The following PLAAT3 variants were observed in gnomAD, a reference collection of about 807,000 sequenced individuals.
PLAAT3 encodes the protein phospholipase A and acyltransferase 3.
Under a neutral mutation model 16.7 loss-of-function variants are expected in PLAAT3, and 21 were observed. The observed-to-expected ratio is 1.26, with a 90% CI of 0.89 to 1.81. The LOEUF (loss-of-function observed/expected upper bound fraction) is 1.81, where lower values mean the gene tolerates loss of function less well. PLAAT3 is among the 40% of genes most tolerant of loss of function. PLAAT3 has a pLI of 0.00. For synonymous variants in PLAAT3, 76 were observed against 81.7 expected (o/e 0.93, Z 0.38); for missense variants, 219 against 213.7 (o/e 1.02, Z -0.16).
chr11:63,588,799 C>G (rs938123078), intron 4 of PLAAT3, among the ~76,000 whole-genome samples: 1 of 152,028 alleles, frequency 6.6e-6, no homozygotes, highest in African/African-American at 2.4e-5. Context: ...TAATATCCCA[C>G]TGTAGACAGG....
At chr11:63,601,980 C>CAAAAAAA (rs71468636) in intron 2 of PLAAT3, among the ~76,000 whole-genome samples, 1 of 99,408 alleles carries the variant, frequency 1.0e-5, no homozygotes, top group Non-Finnish European at 1.9e-5. Flanking sequence ...AACTCTGTCT[C>CAAAAAAA]AAAAAAAAAA....
intron 4 of PLAAT3, among the ~76,000 whole-genome samples, chr11:63,589,367 A>G (rs1938073321): frequency 6.6e-6 from 1 of 151,366 alleles, no homozygotes; most frequent in African/African-American, 2.4e-5. Context: ...CTTTTGCATC[A>G]ACAGCCATGT....
intron 3 of PLAAT3, among the ~76,000 whole-genome samples, chr11:63,591,862 G>A (rs569635044): frequency 6.6e-6 from 1 of 152,328 alleles, no homozygotes; most frequent in African/African-American, 2.4e-5. Flanking sequence ...ACAGCGCAGG[G>A]ACTCGGAAGA....
intron 3 of PLAAT3, among the ~76,000 whole-genome samples, chr11:63,596,237 CAAAAAAAAAA>C (rs56081443): frequency 4.9e-5 from 2 of 40,722 alleles, no homozygotes; most frequent in South Asian, 1.4e-3. Flanking sequence ...GAGACTCTGT[CAAAAAAAAAA>C]AAAAAAAAAA....
intron 3 of PLAAT3, among the ~76,000 whole-genome samples, chr11:63,590,891 C>T (rs569026778): frequency 2.2e-4 from 34 of 152,236 alleles, no homozygotes; most frequent in Non-Finnish European, 4.6e-4. Flanking sequence ...TGGGCACAGC[C>T]CAGGCCAAGG....
chr11:63,581,687 C>T (rs1937819892), intron 4 of PLAAT3, among the ~76,000 whole-genome samples: 2 of 152,192 alleles, frequency 1.3e-5, no homozygotes, highest in African/African-American at 4.8e-5. Context: ...TACGCCCTCT[C>T]CCCTTTTAAA....
chr11:63,598,772 G>A (rs1938354582), intron 2 of PLAAT3: 1 of 510,554 alleles, frequency 2.0e-6, no homozygotes, highest in Non-Finnish European at 3.9e-6. Flanking sequence ...ACCTGGCCTG[G>A]GCCTAATGGA....
chr11:63,615,900 C>T (rs1938861881), upstream of PLAAT3, among the ~76,000 whole-genome samples: 1 of 151,414 alleles, frequency 6.6e-6, no homozygotes. Flanking sequence ...ACTCCTGGCC[C>T]CAAATGACCC....
At position 63,614,047 on chromosome 11, in the gene PLAAT3, C is replaced by T. The variant is rs934186572; in HGVS notation, c.-33G>A. ...CGCGGTGTGGACCCTCAAGGCCAGG[C>T]TCGATTTCGCTGCGTAGATGTCTGA... On this transcript the variant is annotated 5_prime_UTR_variant, in exon 2 of 5. Coordinates refer to ENST00000415826, the MANE Select transcript of PLAAT3 (RefSeq NM_001128203.2). 6.2e-7 allele frequency: 1 copy of T among 1,613,698 alleles called. No homozygotes were observed. The highest frequency in any genetic ancestry group is 1.7e-5 in the Admixed American group (1 of 59,992).
intron 3 of PLAAT3, among the ~76,000 whole-genome samples, chr11:63,591,225 T>C (rs919271174): frequency 2.2e-4 from 34 of 151,922 alleles, no homozygotes; most frequent in African/African-American, 8.2e-4. Flanking sequence ...CTACAAAAAA[T>C]ACAAAAACTA....
chr11:63,578,852 G>A (rs10897436), intron 4 of PLAAT3, among the ~76,000 whole-genome samples: 58,927 of 148,538 alleles, frequency 0.4, 11,678 homozygotes, highest in Admixed American at 0.49. Flanking sequence ...CAATGGCAAC[G>A]AAAGCCAAAA....
chr11:63,615,392 ATATATGTGTG>A (rs765725513), upstream of PLAAT3, among the ~76,000 whole-genome samples: 375 of 38,914 alleles, frequency 9.6e-3, 2 homozygotes, highest in Middle Eastern at 0.069. Flanking sequence ...ATATATGTGT[ATATATGTGTG>A]TATATGTGTG....
Position 63,574,865 on chromosome 11 carries a change from C to A in PLAAT3, c.*80G>T. On this transcript the variant is annotated 3_prime_UTR_variant, in exon 5 of 5. Coordinates refer to ENST00000415826, the MANE Select transcript of PLAAT3 (RefSeq NM_001128203.2). ...TTATTATAAATCACAATGAAATCCACAAACCAAACCCCAAACTCTCTAGCA... is the reference window on the plus strand; with the variant it reads ...TTATTATAAATCACAATGAAATCCAAAAACCAAACCCCAAACTCTCTAGCA... 1.2e-6 allele frequency: 1 copy of A among 843,570 alleles called. No homozygotes were observed. The highest frequency in any genetic ancestry group is 1.4e-5 in the South Asian group (1 of 70,256). The allele number at this position is 843,570 out of a possible 1,614,324, so 52.3% of individuals were successfully genotyped here. A position where few individuals can be genotyped will look rare whatever the true frequency, so the allele number is the denominator to read the frequency against.
At chr11:63,575,725 T>A (rs2017650507) in intron 4 of PLAAT3, among the ~76,000 whole-genome samples, 1 of 152,302 alleles carries the variant, frequency 6.6e-6, no homozygotes, top group Non-Finnish European at 1.5e-5. Flanking sequence ...AACTAAGGCA[T>A]TTGTTTAAGG....
chr11:63,575,623 G>GA (rs1205060214), intron 4 of PLAAT3, among the ~76,000 whole-genome samples: 1 of 151,960 alleles, frequency 6.6e-6, no homozygotes, highest in Non-Finnish European at 1.5e-5. Context: ...TTTGTAGTAG[G>GA]AAAAAAAGTG....
At position 63,612,148 on chromosome 11, in the gene PLAAT3, A is replaced by G. The variant is rs146535375; in HGVS notation, c.15+1852T>C. Among the ~76,000 whole-genome samples the G allele has an allele frequency of 5.0e-3, 765 of 152,282 alleles. 6 individuals carry two copies. The highest frequency in any genetic ancestry group is 0.017 in the African/African-American group (697 of 41,558). On this transcript the variant is annotated intron_variant, in intron 2 of 4. Coordinates refer to ENST00000415826, the MANE Select transcript of PLAAT3 (RefSeq NM_001128203.2). Reference sequence around the variant, plus strand: ...AGTGAAACTCCATCTCAAAAAAAAAAAGTATGATGAACTGTCTGGTGAAGA... The same window carrying G: ...AGTGAAACTCCATCTCAAAAAAAAAGAGTATGATGAACTGTCTGGTGAAGA...
At chr11:63,606,443 C>CACACAA (rs1938564407) in intron 2 of PLAAT3, among the ~76,000 whole-genome samples, 1 of 151,812 alleles carries the variant, frequency 6.6e-6, no homozygotes, top group South Asian at 2.1e-4. Context: ...CACACACACA[C>CACACAA]ACACACACAC....
intron 2 of PLAAT3, among the ~76,000 whole-genome samples, chr11:63,602,868 A>C: frequency 6.6e-6 from 1 of 152,170 alleles, no homozygotes; most frequent in East Asian, 1.9e-4. Context: ...CAAGGCAGGC[A>C]GATCACTTGA....
intron 2 of PLAAT3, among the ~76,000 whole-genome samples, chr11:63,609,545 A>G (rs1938642933): frequency 1.3e-5 from 2 of 152,226 alleles, no homozygotes; most frequent in East Asian, 1.9e-4. Context: ...CTGTAAAAGC[A>G]CTTATGCCTA....
Sources: gnomAD v4.1 joint callset for allele counts (sites outside exome capture counted in the v4.1 genomes callset) on GRCh38, gnomAD v4.1.1 for gene constraint, MANE v1.5 for transcripts, NCBI Gene and HGNC (gene_info 2026-07-23, HGNC 2026-07-21) for gene names.